DCLRE1C: variants seen among roughly 807,000 people sequenced by gnomAD.
DCLRE1C encodes the protein DNA cross-link repair 1C.
A neutral mutation model predicts 61.4 loss-of-function variants in DCLRE1C; 47 were observed. The observed-to-expected ratio is 0.77, with a 90% CI of 0.61 to 0.98. The LOEUF (loss-of-function observed/expected upper bound fraction) is 0.98, where lower values mean the gene tolerates loss of function less well. Among genes scored for constraint, DCLRE1C ranks in the 50% least tolerant of loss-of-function variants. The pLI is 0.00. For missense variants in DCLRE1C, 858 were observed against 816.0 expected (o/e 1.05, Z -0.63); for synonymous variants, 337 against 287.6 (o/e 1.17, Z -1.74).
intron 1 of DCLRE1C, among the ~76,000 whole-genome samples, chr10:14,949,810 C>T (rs1056172139): frequency 6.6e-6 from 1 of 152,262 alleles, no homozygotes; most frequent in South Asian, 2.1e-4. Context: ...TTTGGGAGGC[C>T]GACGTAGGCG....
At chr10:14,938,731 A>G (rs1840387150) in intron 4 of DCLRE1C, among the ~76,000 whole-genome samples, 1 of 152,220 alleles carries the variant, frequency 6.6e-6, no homozygotes, top group South Asian at 2.1e-4. Flanking sequence ...TTCAGAAAAA[A>G]AGTACAATAT....
intron 11 of DCLRE1C, among the ~76,000 whole-genome samples, chr10:14,926,326 C>A (rs1483307466): frequency 6.6e-6 from 1 of 152,130 alleles, no homozygotes; most frequent in African/African-American, 2.4e-5. Context: ...ACTGAGGTCA[C>A]AGGTCAGTTT....
At chr10:14,897,444 A>G (rs1833666207) in exon 14 of DCLRE1C, 1 of 1,612,480 alleles carries the variant, frequency 6.2e-7, no homozygotes. Flanking sequence ...CGAACTAGCA[A>G]TGGACGTGGC....
At chr10:14,901,334 C>G, downstream of DCLRE1C, 1 of 1,582,986 alleles carries the variant, frequency 6.3e-7, no homozygotes, top group Non-Finnish European at 8.6e-7. Flanking sequence ...AGGAACAGAC[C>G]TTAGATATTT....
At position 14,935,507 on chromosome 10, in the gene DCLRE1C, C is replaced by G. The variant is rs146832860; in HGVS notation, c.420G>C (p.Ala140=). 4 of 1,614,056 alleles carry G rather than the reference C, an allele frequency of 2.5e-6. No individual in the cohort carries two copies. The highest frequency in any genetic ancestry group is 2.2e-5 in the South Asian group (2 of 91,078). ...TVLYTGDFRL[A]QGEAARMELL... is the part of the protein sequence containing the mutation. ...GCTCCATTCTAGCAGCTTCTCCTTG[C>G]GCCAATCTGAAGTCTCCTGTGTACA... The change falls in exon 6 of 14, where the codon GCG becomes GCC. Residue 140 remains alanine (A), a synonymous_variant. Coordinates refer to ENST00000378278, the MANE Select transcript of DCLRE1C (RefSeq NM_001033855.3).
chr10:14,923,560 C>A (rs916211653), intron 11 of DCLRE1C: 1 of 165,394 alleles, frequency 6.0e-6, no homozygotes, highest in Non-Finnish European at 1.3e-5. Context: ...ATCCCAGCTA[C>A]TCAAGGCTGA....
chr10:14,925,927 G>A (rs190147595), intron 11 of DCLRE1C, among the ~76,000 whole-genome samples: 4 of 152,142 alleles, frequency 2.6e-5, no homozygotes, highest in African/African-American at 9.7e-5. Context: ...ATTTAATCAC[G>A]GGGGTGGCTA....
chr10:14,912,864 G>C (rs922444839), intron 13 of DCLRE1C, among the ~76,000 whole-genome samples: 7 of 151,434 alleles, frequency 4.6e-5, no homozygotes, highest in Non-Finnish European at 8.8e-5. Context: ...TGTGTTTTTA[G>C]TAGAGACGGG....
At chr10:14,916,354 G>A (rs1024576494) in intron 13 of DCLRE1C, among the ~76,000 whole-genome samples, 1 of 152,100 alleles carries the variant, frequency 6.6e-6, no homozygotes, top group Admixed American at 6.6e-5. Context: ...ACAAGAAAAG[G>A]CACTAGAACT....
At chr10:14,897,473 G>A (rs772754655) in exon 14 of DCLRE1C, 1 of 1,586,052 alleles carries the variant, frequency 6.3e-7, no homozygotes, top group East Asian at 2.2e-5. Context: ...AAAGACCCTT[G>A]TGAAGATTAA....
intron 8 of DCLRE1C, among the ~76,000 whole-genome samples, chr10:14,933,318 C>T (rs1387436106): frequency 6.6e-6 from 1 of 152,190 alleles, no homozygotes; most frequent in Non-Finnish European, 1.5e-5. Context: ...AAGCAGTAAT[C>T]CACACAGACA....
At position 14,906,799 on chromosome 10, in the gene DCLRE1C, T is replaced by A. The variant is rs1021461407; in HGVS notation, c.*1609A>T. 6.6e-6 allele frequency among the ~76,000 whole-genome samples: 1 copy of A among 152,226 alleles called. No homozygotes were observed. The highest frequency in any genetic ancestry group is 2.4e-5 in the African/African-American group (1 of 41,454). On this transcript the variant is annotated 3_prime_UTR_variant, in exon 14 of 14. Coordinates refer to ENST00000378278, the MANE Select transcript of DCLRE1C (RefSeq NM_001033855.3). ...TGTTAAAACTTGTTAAAAATCCTCA[T>A]ACATAACACAAAAGCCTAACACATT... is the stretch of plus-strand genomic sequence containing the variant.
chr10:14,953,797 C>G lies in DCLRE1C; in HGVS notation c.109+105G>C, dbSNP rs531132243. ...AAGGCGTGTGCTGGCCGCCCCCTCG[C>G]TGGCTTCCCACAGGCTGCAGCTCCT... On this transcript the variant is annotated intron_variant, in intron 1 of 13. Transcript: ENST00000378278. 1.2e-5 allele frequency: 18 copies of G among 1,537,670 alleles called. No homozygotes were observed. In the Admixed American group the frequency reaches 2.6e-4, roughly 22 times the overall value.
intron 8 of DCLRE1C, among the ~76,000 whole-genome samples, 196 bp downstream of exon 8, chr10:14,934,184 T>C (rs563972363): frequency 2.6e-5 from 4 of 151,688 alleles, no homozygotes; most frequent in African/African-American, 4.8e-5. Context: ...AAAAATTAGC[T>C]AGGCATGGTG....
chr10:14,951,064 G>A (rs1443513382), intron 1 of DCLRE1C, among the ~76,000 whole-genome samples: 2 of 152,046 alleles, frequency 1.3e-5, no homozygotes, highest in East Asian at 3.9e-4. Context: ...TGGGTCCATA[G>A]CCTACTCCGA....
At chr10:14,952,865 A>G (rs1346087800) in intron 1 of DCLRE1C, among the ~76,000 whole-genome samples, 1 of 152,234 alleles carries the variant, frequency 6.6e-6, no homozygotes, top group Non-Finnish European at 1.5e-5. Context: ...AGTAACTTCA[A>G]CGATTTATAG....
intron 6 of DCLRE1C, 122 bp from the exon 7 acceptor site, chr10:14,934,897 A>C: frequency 1.4e-6 from 1 of 729,612 alleles, no homozygotes; most frequent in Non-Finnish European, 2.5e-6. Context: ...TCTGCTCACT[A>C]CCACCTCCTC....
intron 8 of DCLRE1C, 124 bp from the exon 9 acceptor site, chr10:14,933,079 A>G: frequency 8.9e-7 from 1 of 1,122,684 alleles, no homozygotes; most frequent in African/African-American, 1.5e-5. Flanking sequence ...CTTGAAAAGT[A>G]GTTTTTGGCT....
In DCLRE1C at chr10:14,906,356, T is replaced by C. The variant is rs1436628121; in HGVS notation, c.*2052A>G. Among the ~76,000 whole-genome samples, 1 of 152,222 alleles carries C rather than the reference T, an allele frequency of 6.6e-6. No individual in the cohort carries two copies. Among genetic ancestry groups the C allele is most frequent in the Non-Finnish European group, 1.5e-5 (1 of 68,044 alleles). ...CTATCGGTTTCTTGATCACATCTGT[T>C]GTAGTTGTCTTAGCCCAATTCATTC... On this transcript the variant is annotated 3_prime_UTR_variant, in exon 14 of 14. Coordinates refer to ENST00000378278, the MANE Select transcript of DCLRE1C (RefSeq NM_001033855.3).
Sources: allele counts gnomAD v4.1 joint callset (sites outside exome capture counted in the v4.1 genomes callset), GRCh38; gene constraint gnomAD v4.1.1; transcripts MANE v1.5; gene names NCBI Gene and HGNC (gene_info 2026-07-23, HGNC 2026-07-21).